Variants in RCAN2 observed in about 807,000 individuals in gnomAD.
RCAN2 encodes calcipressin-2.
RCAN2 carries 9 observed loss-of-function variants against 23.6 expected under a neutral mutation model. The observed-to-expected ratio is 0.38, with a 90% CI of 0.23 to 0.67. The LOEUF is 0.67. Ranked by LOEUF, RCAN2 falls within the 30% of genes least tolerant of loss-of-function variation. RCAN2 has a pLI of 0.51. For synonymous variants in RCAN2, 109 were observed against 115.7 expected (o/e 0.94, Z 0.37); for missense variants, 273 against 302.3 (o/e 0.90, Z 0.72).
intron 2 of RCAN2, among the ~76,000 whole-genome samples, chr6:46,253,053 A>C (rs747203168): frequency 6.6e-6 from 1 of 152,232 alleles, no homozygotes; most frequent in African/African-American, 2.4e-5. Flanking sequence ...AATAGTGTAC[A>C]TTAATCATTT....
chr6:46,436,174 G>A (rs906306684), intron 2 of RCAN2, among the ~76,000 whole-genome samples: 4 of 152,180 alleles, frequency 2.6e-5, no homozygotes, highest in Admixed American at 6.5e-5. Flanking sequence ...TCTTTGGTGC[G>A]TTATGCAGCA....
intron 2 of RCAN2, among the ~76,000 whole-genome samples, chr6:46,331,323 G>T (rs1287009023): frequency 8.6e-5 from 13 of 150,668 alleles, no homozygotes; most frequent in African/African-American, 2.4e-4. Context: ...TTTTTTTCAT[G>T]ATTTACTTCC....
At chr6:46,267,496 C>T (rs1470195362) in intron 2 of RCAN2, among the ~76,000 whole-genome samples, 2 of 151,736 alleles carry the variant, frequency 1.3e-5, no homozygotes, top group African/African-American at 4.9e-5. Context: ...GCCTAAGCAA[C>T]ATAGGAAGAC....
intron 1 of RCAN2, among the ~76,000 whole-genome samples, chr6:46,473,608 G>T (rs527753223): frequency 2.6e-5 from 4 of 152,190 alleles, no homozygotes; most frequent in African/African-American, 9.6e-5. Context: ...TATGCTCAGT[G>T]GGTTTATAAC....
chr6:46,251,145 T>G (rs971623264), intron 2 of RCAN2, among the ~76,000 whole-genome samples: 1 of 152,202 alleles, frequency 6.6e-6, no homozygotes, highest in South Asian at 2.1e-4. Context: ...AAACAAGAAT[T>G]TTTCCTTGTC....
At chr6:46,257,608 A>G (rs940142695) in intron 2 of RCAN2, among the ~76,000 whole-genome samples, 2 of 152,188 alleles carry the variant, frequency 1.3e-5, no homozygotes, top group African/African-American at 4.8e-5. Context: ...CTCACTCACT[A>G]TCATGAGAAC....
intron 2 of RCAN2, among the ~76,000 whole-genome samples, chr6:46,303,509 G>C (rs1030604409): frequency 1.3e-5 from 2 of 151,960 alleles, no homozygotes; most frequent in East Asian, 3.9e-4. Context: ...TTTGCTAGTG[G>C]GATGGGTCAC....
intron 2 of RCAN2, among the ~76,000 whole-genome samples, chr6:46,393,879 G>A (rs1238392611): frequency 6.6e-6 from 1 of 152,084 alleles, no homozygotes; most frequent in East Asian, 1.9e-4. Context: ...CTGCCAATAT[G>A]ACCAACACTC....
intron 2 of RCAN2, among the ~76,000 whole-genome samples, chr6:46,376,880 C>G (rs1481642370): frequency 1.3e-5 from 2 of 152,066 alleles, no homozygotes; most frequent in African/African-American, 2.4e-5. Flanking sequence ...CCCCCTCCCC[C>G]ACAGCTGTAT....
At chr6:46,296,826 C>A (rs1359008821) in intron 2 of RCAN2, among the ~76,000 whole-genome samples, 1 of 152,146 alleles carries the variant, frequency 6.6e-6, no homozygotes, top group Non-Finnish European at 1.5e-5. Flanking sequence ...CCTTCTTATG[C>A]AATACGTTAA....
chr6:46,255,053 A>T (rs1185158778), intron 2 of RCAN2, among the ~76,000 whole-genome samples: 1 of 152,162 alleles, frequency 6.6e-6, no homozygotes, highest in Non-Finnish European at 1.5e-5. Flanking sequence ...ATAAATTTTT[A>T]TTGTTTTAAG....
intron 2 of RCAN2, among the ~76,000 whole-genome samples, chr6:46,266,616 G>T (rs1186441946): frequency 6.6e-6 from 1 of 152,208 alleles, no homozygotes; most frequent in African/African-American, 2.4e-5. Context: ...CATTTAAGAT[G>T]AAGCAGTACA....
rs1765490901 is a variant in RCAN2 at position 46,221,981 on chromosome 6, C to G, written c.*1160G>C. On this transcript the variant is annotated 3_prime_UTR_variant, in exon 5 of 5. Coordinates refer to ENST00000371374, the MANE Select transcript of RCAN2 (RefSeq NM_001251974.2). ...GCATACATGTAGCTATCATCCTTCC[C>G]CATTTTAACATGCTCAGCTGCTGCT... is the stretch of plus-strand genomic sequence containing the variant. 1 of 398,410 alleles carries G rather than the reference C, an allele frequency of 2.5e-6. No individual in the cohort carries two copies. Among genetic ancestry groups the G allele is most frequent in the African/African-American group, 2.1e-5 (1 of 48,604 alleles). The allele number at this position is 398,410 out of a possible 1,614,324, so 24.7% of individuals were successfully genotyped here. A position where few individuals can be genotyped will look rare whatever the true frequency, so the allele number is the denominator to read the frequency against.
intron 2 of RCAN2, among the ~76,000 whole-genome samples, chr6:46,402,156 A>G (rs1206439043): frequency 6.6e-6 from 1 of 152,234 alleles, no homozygotes; most frequent in Non-Finnish European, 1.5e-5. Flanking sequence ...TTTAAGCAAC[A>G]AAGAGGCCTG....
intron 2 of RCAN2, among the ~76,000 whole-genome samples, chr6:46,441,314 G>A (rs1479285309): frequency 6.6e-6 from 1 of 152,268 alleles, no homozygotes; most frequent in Non-Finnish European, 1.5e-5. Context: ...ACATTGTCAA[G>A]GCAGGATTTG....
intron 1 of RCAN2, 109 bp from the exon 2 acceptor site, chr6:46,457,087 G>A: frequency 1.5e-6 from 1 of 688,050 alleles, no homozygotes; most frequent in Non-Finnish European, 2.5e-6. Flanking sequence ...GTACGATTAG[G>A]AGCAGAGGCA....
At chr6:46,270,884 C>T (rs1384902983) in intron 2 of RCAN2, among the ~76,000 whole-genome samples, 3 of 152,196 alleles carry the variant, frequency 2.0e-5, no homozygotes, top group Non-Finnish European at 4.4e-5. Context: ...CTAACAGCCA[C>T]TGAGTGAGCT....
chr6:46,335,528 C>T (rs1764114243), intron 2 of RCAN2, among the ~76,000 whole-genome samples: 1 of 152,150 alleles, frequency 6.6e-6, no homozygotes, highest in African/African-American at 2.4e-5. Flanking sequence ...ACTAGATATT[C>T]ACGTTTTCAA....
chr6:46,387,272 A>G (rs1765782123), intron 2 of RCAN2, among the ~76,000 whole-genome samples: 1 of 152,232 alleles, frequency 6.6e-6, no homozygotes, highest in Non-Finnish European at 1.5e-5. Context: ...TAAACTAAAG[A>G]GCTTCTGCAC....
Sources: gnomAD v4.1 joint callset for allele counts (sites outside exome capture counted in the v4.1 genomes callset) on GRCh38, gnomAD v4.1.1 for gene constraint, MANE v1.5 for transcripts, NCBI Gene and HGNC (gene_info 2026-07-23, HGNC 2026-07-21) for gene names.